Variants in KIF21A observed in about 807,000 individuals in gnomAD.
KIF21A encodes kinesin-like protein KIF21A.
A neutral mutation model predicts 202.9 loss-of-function variants in KIF21A; 114 were observed. The ratio of observed to expected loss-of-function variants is 0.56; its 90% CI spans 0.48 to 0.66. The LOEUF (loss-of-function observed/expected upper bound fraction) is 0.66. Ranked by LOEUF, KIF21A falls within the 30% of genes least tolerant of loss-of-function variation. The pLI, the probability that KIF21A is intolerant of heterozygous loss-of-function variation, is 0.00. For synonymous variants in KIF21A, 667 were observed against 670.8 expected (o/e 0.99, Z 0.09); for missense variants, 1,677 against 1,994.9 (o/e 0.84, Z 3.04).
intron 37 of KIF21A, among the ~76,000 whole-genome samples, chr12:39,297,494 A>G (rs895949692): frequency 1.3e-5 from 2 of 150,754 alleles, no homozygotes; most frequent in South Asian, 4.2e-4. Context: ...AGAACAAAAA[A>G]CCAAACACCG....
Position 39,320,026 on chromosome 12 carries a change from A to C in KIF21A, c.3672-13T>G. ...TGACTGCCTGGAACTAAAGTAAAAG[A>C]AGATTCTTTAATTACCTAATTCTAA... On this transcript the variant is annotated splice_polypyrimidine_tract_variant and intron_variant, in intron 27 of 37. Coordinates refer to ENST00000361418, the MANE Select transcript of KIF21A (RefSeq NM_001173464.2). 1 of 1,454,390 alleles carries C rather than the reference A, an allele frequency of 6.9e-7. No individual in the cohort carries two copies. The highest frequency in any genetic ancestry group is 9.6e-7 in the Non-Finnish European group (1 of 1,040,732). The allele number at this position is 1,454,390 out of a possible 1,614,324, so 90.1% of individuals were successfully genotyped here. A position where few individuals can be genotyped will look rare whatever the true frequency, so the allele number is the denominator to read the frequency against.
Position 39,370,174 on chromosome 12 carries a change from CCCTAGGAAGA to C in KIF21A, c.122_131del (p.Val41GlyfsTer26). 6.2e-7 allele frequency: 1 copy of C among 1,613,594 alleles called. No homozygotes were observed. Among genetic ancestry groups the C allele is most frequent in the Non-Finnish European group, 8.5e-7 (1 of 1,179,678 alleles). On this transcript the variant is annotated frameshift_variant, in exon 2 of 38. Coordinates refer to ENST00000361418, the MANE Select transcript of KIF21A (RefSeq NM_001173464.2). LOFTEE classifies it high-confidence loss of function. ...AGTCAAAAGTAAAAGCCTTATCTTT[CCCTAGGAAGA>C]CCTGAGGCTCTCCTGGTGTGACAGA... is the stretch of plus-strand genomic sequence containing the variant.
At chr12:39,433,326 A>G (rs1938217115) in intron 1 of KIF21A, among the ~76,000 whole-genome samples, 1 of 152,174 alleles carries the variant, frequency 6.6e-6, no homozygotes, top group Non-Finnish European at 1.5e-5. Flanking sequence ...TGAGTATTGC[A>G]GGCACATTGC....
At position 39,442,855 on chromosome 12, in the gene KIF21A, C is replaced by A; in HGVS notation, c.44+72G>T. 2 of 1,501,832 alleles carry A rather than the reference C, an allele frequency of 1.3e-6. No homozygotes were observed. The highest frequency in any genetic ancestry group is 8.9e-7 in the Non-Finnish European group (1 of 1,125,684). The allele number at this position is 1,501,832 out of a possible 1,614,324, so 93.0% of individuals were successfully genotyped here. ...CGCTCCACCCCGGTAGCCGGTGCTCCGCGCCACAGCCAGGTCCTTGCCGCG... is the reference window on the plus strand; with the variant it reads ...CGCTCCACCCCGGTAGCCGGTGCTCAGCGCCACAGCCAGGTCCTTGCCGCG... On this transcript the variant is annotated intron_variant, in intron 1 of 37. Coordinates refer to ENST00000361418, the MANE Select transcript of KIF21A (RefSeq NM_001173464.2). The surrounding 1 kb of genome is among the most constrained non-coding windows in gnomAD (Gnocchi z 5.0).
Position 39,319,983 on chromosome 12 carries a change from T to A in KIF21A, c.3702A>T (p.Lys1234Asn). Residue 1234 changes from lysine to asparagine, a missense_variant, in exon 28 of 38, where the codon AAA becomes AAT. Physicochemically the swap from Lys to Asn is moderately conservative, Grantham distance 94. Around this residue, in one of 3 missense-constraint regions of KIF21A, gnomAD observed 705 missense variants for 791.9 expected, o/e 0.89. Transcript: ENST00000361418. The part of the protein sequence containing the change: ...ISRQSSLSEK[K>N]IPEPSPVTRR... ...TTGTTACAGGAGAAGGCTCTGGAAT[T>A]TTTTTTTCTGATAGAGATGACTGCC... is the stretch of plus-strand genomic sequence containing the variant. 6.2e-7 allele frequency: 1 copy of A among 1,607,388 alleles called. No individual in the cohort carries two copies. Among genetic ancestry groups the A allele is most frequent in the Non-Finnish European group, 8.5e-7 (1 of 1,175,568 alleles).
chr12:39,315,395 A>G (rs933559843), intron 30 of KIF21A, among the ~76,000 whole-genome samples, 155 bp from the exon 31 acceptor site: 1 of 151,988 alleles, frequency 6.6e-6, no homozygotes. Context: ...AAAAAATAAC[A>G]GTTATTTTTA....
chr12:39,297,096 A>G (rs1405820458), intron 37 of KIF21A, among the ~76,000 whole-genome samples: 1 of 152,190 alleles, frequency 6.6e-6, no homozygotes, highest in East Asian at 1.9e-4. Context: ...GATGGATTAG[A>G]TATGGAGTAC....
chr12:39,361,937 T>C (rs560506325), intron 7 of KIF21A, among the ~76,000 whole-genome samples: 1 of 152,354 alleles, frequency 6.6e-6, no homozygotes, highest in South Asian at 2.1e-4. Flanking sequence ...TGTAAAATTG[T>C]AATCCCCAGT....
At position 39,356,911 on chromosome 12, in the gene KIF21A, T is replaced by C. The variant is rs1363740643; in HGVS notation, c.1406-16A>G. The C allele has an allele frequency of 8.5e-7, 1 of 1,171,560 alleles. No homozygotes were observed. The allele number at this position is 1,171,560 out of a possible 1,614,324, so 72.6% of individuals were successfully genotyped here. On this transcript the variant is annotated splice_polypyrimidine_tract_variant and intron_variant, in intron 9 of 37. Transcript: ENST00000361418. The stretch of plus-strand genomic sequence containing the variant: ...TTTCCTTCACCTGAAAGACAAAATA[T>C]GAAATAAAAATTTTCCTTTAAATTA...
intron 1 of KIF21A, among the ~76,000 whole-genome samples, chr12:39,424,064 A>G (rs1954554520): frequency 6.6e-6 from 1 of 150,978 alleles, no homozygotes; most frequent in Non-Finnish European, 1.5e-5. Flanking sequence ...CCAACAACTT[A>G]CATGCATTAT....
At chr12:39,412,526 G>A (rs1015311949) in intron 1 of KIF21A, among the ~76,000 whole-genome samples, 4 of 152,070 alleles carry the variant, frequency 2.6e-5, no homozygotes, top group African/African-American at 9.7e-5. Context: ...AGACCAGCCC[G>A]GGCAACATGG....
At chr12:39,411,990 G>A (rs1953126579) in intron 1 of KIF21A, among the ~76,000 whole-genome samples, 2 of 151,824 alleles carry the variant, frequency 1.3e-5, no homozygotes, top group Admixed American at 1.3e-4. Context: ...GCACGCCACT[G>A]CACCCAGCTA....
At chr12:39,426,944 G>T (rs922885664) in intron 1 of KIF21A, among the ~76,000 whole-genome samples, 8 of 151,934 alleles carry the variant, frequency 5.3e-5, no homozygotes, top group African/African-American at 1.9e-4. Flanking sequence ...TGAGAAAGTA[G>T]CTAATGTGAT....
intron 1 of KIF21A, among the ~76,000 whole-genome samples, chr12:39,400,263 G>A (rs962272414): frequency 1.1e-4 from 16 of 152,242 alleles, no homozygotes; most frequent in African/African-American, 3.9e-4. Flanking sequence ...TACCAGAAGG[G>A]GAGAGTCTCT....
chr12:39,419,768 C>T (rs1409983745), intron 1 of KIF21A, among the ~76,000 whole-genome samples: 8 of 152,098 alleles, frequency 5.3e-5, no homozygotes, highest in Non-Finnish European at 1.2e-4. Context: ...CTCTTCCTCT[C>T]CAAAGTATAA....
intron 1 of KIF21A, among the ~76,000 whole-genome samples, chr12:39,439,407 C>A (rs940431330): frequency 2.0e-5 from 3 of 152,052 alleles, no homozygotes; most frequent in African/African-American, 4.8e-5. Flanking sequence ...TATTTACATT[C>A]GTTTCTTCAG....
intron 13 of KIF21A, 96 bp downstream of exon 13, chr12:39,341,938 A>G: frequency 1.2e-6 from 1 of 814,930 alleles, no homozygotes; most frequent in South Asian, 1.4e-5. Flanking sequence ...CATCATAAGC[A>G]GTTCACTTTT....
intron 1 of KIF21A, 51 bp from the exon 2 acceptor site, chr12:39,370,312 A>C (rs777132529): frequency 2.1e-6 from 3 of 1,407,844 alleles, no homozygotes; most frequent in Admixed American, 1.8e-5. Context: ...GCAAAAAAAA[A>C]CCTCTCAAAA....
chr12:39,356,921 A>T, intron 9 of KIF21A, 26 bp from the exon 10 acceptor site: 1 of 1,109,180 alleles, frequency 9.0e-7, no homozygotes, highest in South Asian at 1.3e-5. Context: ...TGAAATAAAA[A>T]TTTTCCTTTA....
Sources: allele counts gnomAD v4.1 joint callset (sites outside exome capture counted in the v4.1 genomes callset), GRCh38; gene constraint gnomAD v4.1.1; regional missense constraint gnomAD v4.1.1; non-coding constraint Gnocchi (gnomAD v3.1); transcripts MANE v1.5; gene names NCBI Gene and HGNC (gene_info 2026-07-23, HGNC 2026-07-21).